The following CUL2 variants were observed in gnomAD, a reference collection of about 807,000 sequenced individuals.
CUL2 encodes the protein cullin-2.
A neutral mutation model predicts 110.2 loss-of-function variants in CUL2; 22 were observed. That is an observed-to-expected ratio of 0.20 (90% confidence interval 0.14 to 0.28). The LOEUF is 0.28. Ranked by LOEUF, CUL2 falls within the 10% of genes least tolerant of loss-of-function variation. CUL2 has a pLI of 1.00. For missense variants in CUL2, 631 were observed against 905.5 expected, an observed-to-expected ratio of 0.70 and a Z score of 3.89; for synonymous variants, 279 against 293.2, an observed-to-expected ratio of 0.95 and a Z score of 0.49.
intron 1 of CUL2, among the ~76,000 whole-genome samples, chr10:35,082,831 A>G (rs2135047693): frequency 6.6e-6 from 1 of 152,242 alleles, no homozygotes; most frequent in East Asian, 1.9e-4. Flanking sequence ...CACATTATTC[A>G]TTATTTTGGT....
chr10:35,100,420 G>C (rs996795803), intron 2 of CUL2, among the ~76,000 whole-genome samples: 2 of 151,954 alleles, frequency 1.3e-5, no homozygotes, highest in African/African-American at 4.8e-5. Context: ...GGCCCCTATT[G>C]CACTGTTTTA....
chr10:35,054,180 A>G (rs895038309), intron 5 of CUL2, among the ~76,000 whole-genome samples: 1 of 152,164 alleles, frequency 6.6e-6, no homozygotes, highest in African/African-American at 2.4e-5. Context: ...ATTGTTTCTG[A>G]GTTTTTTCAC....
chr10:35,086,740 A>AAATT (rs2087074683), intron 1 of CUL2, among the ~76,000 whole-genome samples: 1 of 151,432 alleles, frequency 6.6e-6, no homozygotes, highest in Non-Finnish European at 1.5e-5. Flanking sequence ...ATAAATAAAT[A>AAATT]AATGAACTTA....
At chr10:35,075,218 C>A (rs1564741437) in intron 1 of CUL2, among the ~76,000 whole-genome samples, 1 of 152,154 alleles carries the variant, frequency 6.6e-6, no homozygotes, top group African/African-American at 2.4e-5. Context: ...CAAAAACTGA[C>A]AAACCAATAG....
chr10:35,033,560 C>A (rs192058480), intron 10 of CUL2, among the ~76,000 whole-genome samples: 4 of 151,954 alleles, frequency 2.6e-5, no homozygotes, highest in Non-Finnish European at 5.9e-5. Flanking sequence ...CACGGTGAAA[C>A]CCCGTCTCTA....
Position 35,010,144 on chromosome 10 carries a change from GCATTT to G in CUL2, c.*162_*166del. Reference sequence around the variant, plus strand: ...TGACATGAGCTTGAAATATCTCTAGGCATTTTCTTTGACGCTCATGACGTGGCACT... The same window carrying G: ...TGACATGAGCTTGAAATATCTCTAGGTCTTTGACGCTCATGACGTGGCACT... On this transcript the variant is annotated 3_prime_UTR_variant, in exon 21 of 21. Transcript: ENST00000374749. 2.2e-6 allele frequency: 1 copy of G among 450,770 alleles called. No individual in the cohort carries two copies. The highest frequency in any genetic ancestry group is 3.7e-6 in the Non-Finnish European group (1 of 273,406). The allele number at this position is 450,770 out of a possible 1,614,324, so 27.9% of individuals were successfully genotyped here.
intron 9 of CUL2, among the ~76,000 whole-genome samples, chr10:35,035,903 C>T (rs930493029): frequency 4.6e-5 from 7 of 152,204 alleles, no homozygotes; most frequent in African/African-American, 1.4e-4. Flanking sequence ...TGATCTCTAA[C>T]ACTGGGAGGT....
intron 1 of CUL2, among the ~76,000 whole-genome samples, chr10:35,105,707 C>CA (rs200442371): frequency 0.017 from 1,859 of 106,332 alleles, 22 homozygotes; most frequent in Middle Eastern, 0.068. Context: ...GACTCTGTCT[C>CA]AAAAAAAAAA....
intron 19 of CUL2, 88 bp downstream of exon 19, chr10:35,013,611 G>A (rs2134620251): frequency 1.2e-6 from 1 of 839,560 alleles, no homozygotes; most frequent in Non-Finnish European, 1.8e-6. Context: ...GCTGTGCAAA[G>A]TTTTGCACAA....
At chr10:35,011,783 G>T in intron 20 of CUL2, 65 bp downstream of exon 20, 1 of 781,352 alleles carries the variant, frequency 1.3e-6, no homozygotes, top group Non-Finnish European at 2.2e-6. Context: ...AGAAGAAAGA[G>T]ACTGAATCTG....
At chr10:35,059,535 C>A (rs1026648016) in intron 4 of CUL2, among the ~76,000 whole-genome samples, 1 of 152,208 alleles carries the variant, frequency 6.6e-6, no homozygotes, top group Admixed American at 6.5e-5. Flanking sequence ...ACTTAACAGA[C>A]TACAGTATAG....
intron 6 of CUL2, among the ~76,000 whole-genome samples, chr10:35,049,406 A>T (rs921627443): frequency 1.3e-5 from 2 of 152,170 alleles, no homozygotes; most frequent in East Asian, 3.8e-4. Flanking sequence ...TCTGAAAAGC[A>T]ATAAGTCACT....
At chr10:35,109,602 C>A (rs147797534) in intron 1 of CUL2, among the ~76,000 whole-genome samples, 2 of 152,298 alleles carry the variant, frequency 1.3e-5, no homozygotes, top group Non-Finnish European at 2.9e-5. Context: ...TGCGTTTACA[C>A]GGCAAGGAGA....
At chr10:35,025,775 G>A (rs1465533862) in intron 16 of CUL2, among the ~76,000 whole-genome samples, 2 of 152,084 alleles carry the variant, frequency 1.3e-5, no homozygotes, top group Non-Finnish European at 2.9e-5. Flanking sequence ...CAAAAATACA[G>A]AGTTCTTTTT....
intron 20 of CUL2, among the ~76,000 whole-genome samples, 184 bp from the exon 21 acceptor site, chr10:35,010,626 TTAAG>T: frequency 6.6e-6 from 1 of 152,272 alleles, no homozygotes; most frequent in Non-Finnish European, 1.5e-5. Flanking sequence ...TGATACATAA[TTAAG>T]TGAAACAATA....
At chr10:35,040,018 T>C (rs1182108769) in intron 8 of CUL2, among the ~76,000 whole-genome samples, 1 of 152,086 alleles carries the variant, frequency 6.6e-6, no homozygotes, top group Non-Finnish European at 1.5e-5. Context: ...CCAGGTGTGG[T>C]GGCAGGTGCC....
chr10:35,019,499 C>A (rs927430195), intron 17 of CUL2, among the ~76,000 whole-genome samples: 1 of 152,132 alleles, frequency 6.6e-6, no homozygotes, highest in Admixed American at 6.6e-5. Context: ...AAGGAAACTT[C>A]AAACTTGGAT....
chr10:35,009,991 T>TA lies in CUL2; in HGVS notation c.*319dup, dbSNP rs147061473. ...AAATTTTATGTCCTTTAAGATACAT[T>TA]AAAAAAAAAAAAAAAGACACATCAA... On this transcript the variant is annotated 3_prime_UTR_variant, in exon 21 of 21. Transcript: ENST00000374749. The TA allele has an allele frequency of 0.027, 3,736 of 138,406 alleles. 152 individuals are homozygous for TA. The highest frequency in any genetic ancestry group is 0.085 in the African/African-American group (3,203 of 37,574). The allele number at this position is 138,406 out of a possible 1,614,324, so 8.6% of individuals were successfully genotyped here.
At chr10:35,114,265 T>C (rs1337056087) in intron 1 of CUL2, among the ~76,000 whole-genome samples, 1 of 151,558 alleles carries the variant, frequency 6.6e-6, no homozygotes, top group African/African-American at 2.4e-5. Context: ...TGTTTCCCCA[T>C]GTTGGCCAGG....
Sources: allele counts gnomAD v4.1 joint callset (sites outside exome capture counted in the v4.1 genomes callset), GRCh38; gene constraint gnomAD v4.1.1; transcripts MANE v1.5; gene names NCBI Gene and HGNC (gene_info 2026-07-23, HGNC 2026-07-21).